MAP2K1: variants seen among roughly 807,000 people sequenced by gnomAD.
MAP2K1 encodes the protein mitogen-activated protein kinase kinase 1.
Under a neutral mutation model 46.3 loss-of-function variants are expected in MAP2K1, and 16 were observed. That is an observed-to-expected ratio of 0.35 (90% CI 0.23 to 0.52). The LOEUF (loss-of-function observed/expected upper bound fraction) is 0.52, where lower values mean the gene tolerates loss of function less well. MAP2K1 is among the 20% of genes least tolerant of loss of function. MAP2K1 has a pLI of 0.94. For synonymous variants in MAP2K1, 183 were observed against 185.6 expected, an observed-to-expected ratio of 0.99 and a Z score of 0.11; for missense variants, 263 against 497.1, an observed-to-expected ratio of 0.53 and a Z score of 4.48.
At chr15:66,420,793 G>A (rs375939052) in intron 1 of MAP2K1, among the ~76,000 whole-genome samples, 10,778 of 35,046 alleles carry the variant, frequency 0.31, 2,981 homozygotes, top group African/African-American at 0.44. Flanking sequence ...ATATATGTGT[G>A]TATATATATG....
chr15:66,387,499 C>G (rs1235847635), intron 1 of MAP2K1, 72 bp downstream of exon 1: 1 of 1,443,396 alleles, frequency 6.9e-7, no homozygotes, highest in Admixed American at 2.0e-5. Flanking sequence ...GGAGCGCGCG[C>G]CAGGCTCCGA....
At chr15:66,476,825 A>T (rs1892765319) in intron 5 of MAP2K1, among the ~76,000 whole-genome samples, 1 of 152,278 alleles carries the variant, frequency 6.6e-6, no homozygotes, top group South Asian at 2.1e-4. Context: ...TATTGTGGGA[A>T]GCAAGTGTGG....
intron 3 of MAP2K1, among the ~76,000 whole-genome samples, chr15:66,439,155 G>T (rs984329027): frequency 6.6e-6 from 1 of 152,150 alleles, no homozygotes; most frequent in Non-Finnish European, 1.5e-5. Flanking sequence ...TCTGACTATG[G>T]GCTGCTGCTT....
chr15:66,447,290 C>G (rs910570861), intron 5 of MAP2K1, among the ~76,000 whole-genome samples: 8 of 151,454 alleles, frequency 5.3e-5, no homozygotes, highest in African/African-American at 1.9e-4. Flanking sequence ...ACTGATCTTT[C>G]AGGTCTTCAG....
intron 5 of MAP2K1, among the ~76,000 whole-genome samples, chr15:66,447,217 T>G (rs1256257818): frequency 6.6e-6 from 1 of 152,128 alleles, no homozygotes; most frequent in Non-Finnish European, 1.5e-5. Context: ...TGCATTTTTT[T>G]TTTTTTTGAC....
At chr15:66,437,659 G>A (rs193004390) in intron 3 of MAP2K1, among the ~76,000 whole-genome samples, 6 of 152,296 alleles carry the variant, frequency 3.9e-5, no homozygotes, top group Admixed American at 3.9e-4. Context: ...GGATCCTGGT[G>A]TGCAGCCTTA....
In MAP2K1 at chr15:66,485,252, G is replaced by A. The variant is rs115848369; in HGVS notation, c.895+61G>A. On this transcript the variant is annotated intron_variant, in intron 7 of 10. Transcript: ENST00000307102. ...GGAGGGGAGGGTCCCTTACTTTCAG[G>A]GGTTTCTGGAGGGCTGATTCTCTGT... The A allele has an allele frequency of 9.9e-4, 1,477 of 1,494,500 alleles. 15 individuals carry two copies. In the African/African-American group the frequency reaches 0.018, roughly 18 times the overall value. 92.6% of individuals were successfully genotyped at this position (1,494,500 alleles called of 1,614,324 possible). A position where few individuals can be genotyped will look rare whatever the true frequency, so the allele number is the denominator to read the frequency against.
chr15:66,446,436 G>A (rs542633865), intron 5 of MAP2K1: 88 of 162,026 alleles, frequency 5.4e-4, no homozygotes, highest in South Asian at 1.0e-3. Flanking sequence ...GTGAGACTCC[G>A]TCTCAAAAAA....
rs1369271734 is a variant in MAP2K1 at position 66,397,031 on chromosome 15, G to C, written c.80+9604G>C. On this transcript the variant is annotated intron_variant, in intron 1 of 10. Coordinates refer to ENST00000307102, the MANE Select transcript of MAP2K1 (RefSeq NM_002755.4). ...TTTTTTTTTTTTTTTTTGAGATGGA[G>C]TCTTGCTCTGTCGCCCAGGCTGGAG... is the stretch of plus-strand genomic sequence containing the variant. 4.6e-5 allele frequency among the ~76,000 whole-genome samples: 4 copies of C among 87,514 alleles called. No individual in the cohort carries two copies. In the Admixed American group the frequency reaches 5.1e-4, roughly 11 times the overall value. 57.4% of individuals were successfully genotyped at this position (87,514 alleles called of 152,430 possible). A position where few individuals can be genotyped will look rare whatever the true frequency, so the allele number is the denominator to read the frequency against.
At chr15:66,423,419 C>G (rs929147684) in intron 1 of MAP2K1, among the ~76,000 whole-genome samples, 4 of 148,780 alleles carry the variant, frequency 2.7e-5, no homozygotes, top group African/African-American at 9.8e-5. Flanking sequence ...CCCAACCCTT[C>G]TTGATTTTTG....
At chr15:66,414,942 C>G in intron 1 of MAP2K1, 1 of 413,520 alleles carries the variant, frequency 2.4e-6, no homozygotes, top group East Asian at 7.2e-5. Flanking sequence ...TTCAGTGGTA[C>G]TTGCATAGCC....
intron 8 of MAP2K1, among the ~76,000 whole-genome samples, chr15:66,488,199 G>A (rs1893113677): frequency 6.6e-6 from 1 of 152,178 alleles, no homozygotes; most frequent in African/African-American, 2.4e-5. Flanking sequence ...GCCTCTGGAG[G>A]CCAAGCTGCT....
intron 5 of MAP2K1, among the ~76,000 whole-genome samples, chr15:66,464,858 G>C (rs578140430): frequency 5.3e-5 from 8 of 151,772 alleles, no homozygotes; most frequent in African/African-American, 1.9e-4. Flanking sequence ...CTGTAGCCAG[G>C]AAAAATTAGA....
chr15:66,479,772 C>T (rs1892869287), intron 5 of MAP2K1, among the ~76,000 whole-genome samples: 1 of 152,144 alleles, frequency 6.6e-6, no homozygotes, highest in Non-Finnish European at 1.5e-5. Flanking sequence ...TGCCCTCCTG[C>T]AGCTGATTGG....
At chr15:66,387,625 G>A (rs1334480589) in intron 1 of MAP2K1, among the ~76,000 whole-genome samples, 198 bp downstream of exon 1, 1 of 152,166 alleles carries the variant, frequency 6.6e-6, no homozygotes, top group Non-Finnish European at 1.5e-5. Flanking sequence ...CGGATCCCGC[G>A]GGTCTCCATT....
chr15:66,410,109 G>C (rs1307921895), intron 1 of MAP2K1, among the ~76,000 whole-genome samples: 1 of 152,196 alleles, frequency 6.6e-6, no homozygotes, highest in African/African-American at 2.4e-5. Flanking sequence ...CCTGCATCCG[G>C]ATCCGTTGAC....
chr15:66,420,867 ATG>A (rs1159706994), intron 1 of MAP2K1, among the ~76,000 whole-genome samples: 1 of 136,054 alleles, frequency 7.4e-6, no homozygotes, highest in African/African-American at 2.7e-5. Flanking sequence ...GTGTATATAT[ATG>A]TGTGTATATA....
chr15:66,474,828 G>A (rs1411496934), intron 5 of MAP2K1, among the ~76,000 whole-genome samples: 1 of 151,974 alleles, frequency 6.6e-6, no homozygotes, highest in Admixed American at 6.6e-5. Flanking sequence ...TATTTGAACT[G>A]GGGAGGCGGA....
At chr15:66,412,153 G>A (rs1440898950) in intron 1 of MAP2K1, among the ~76,000 whole-genome samples, 1 of 152,246 alleles carries the variant, frequency 6.6e-6, no homozygotes, top group Non-Finnish European at 1.5e-5. Flanking sequence ...GTGAGCTTTA[G>A]TGTCGCTGTA....
Sources: allele counts gnomAD v4.1 joint callset (sites outside exome capture counted in the v4.1 genomes callset), GRCh38; gene constraint gnomAD v4.1.1; transcripts MANE v1.5; gene names NCBI Gene and HGNC (gene_info 2026-07-23, HGNC 2026-07-21).